COA7: variants seen among roughly 807,000 people sequenced by gnomAD.
The protein encoded by COA7 is cytochrome c oxidase assembly factor 7, also known as Sel1 repeat containing 1.
COA7 carries 12 observed loss-of-function variants against 21.0 expected under a neutral mutation model. That is an observed-to-expected ratio of 0.57 (90% CI 0.37 to 0.92). The LOEUF (loss-of-function observed/expected upper bound fraction) is 0.92. COA7 is among the 40% of genes least tolerant of loss of function. The pLI is 0.01. For missense variants in COA7, 240 were observed against 286.1 expected (o/e 0.84, Z 1.16); for synonymous variants, 95 against 107.4 (o/e 0.88, Z 0.72).
At chr1:52,689,953 A>G (rs1339560724) in intron 2 of COA7, among the ~76,000 whole-genome samples, 1 of 151,604 alleles carries the variant, frequency 6.6e-6, no homozygotes, top group Non-Finnish European at 1.5e-5. Flanking sequence ...CATGAACCCC[A>G]GAAGTGGAGC....
Position 52,692,831 on chromosome 1 carries a change from C to T in COA7, c.143G>A (p.Arg48Gln), listed in dbSNP as rs12134752. The T allele has an allele frequency of 2.7e-3, 4,345 of 1,614,102 alleles. 9 individuals are homozygous for T. Among genetic ancestry groups the T allele is most frequent in the Non-Finnish European group, 3.2e-3 (3,774 of 1,180,014 alleles). The part of the protein sequence containing the change: ...YRLVDYLEGI[R>Q]KNFDEAAKVL... ...CTTGGCAGCCTCATCAAAATTCTTCCGGATCCCTTCCAAATAGTCCACCAG... is the reference window on the plus strand; with the variant it reads ...CTTGGCAGCCTCATCAAAATTCTTCTGGATCCCTTCCAAATAGTCCACCAG... Residue 48 changes from arginine to glutamine, a missense_variant, in exon 2 of 3, where the codon CGG (arginine) becomes CAG (glutamine). Physicochemically the swap from Arg to Gln is conservative, Grantham distance 43. This residue lies in a region of COA7 where 6 missense variants were observed against 17.3 expected (regional missense o/e 0.35). Coordinates refer to ENST00000371538, the MANE Select transcript of COA7 (RefSeq NM_023077.3).
chr1:52,692,667 T>C (rs111249062), intron 2 of COA7, 60 bp downstream of exon 2: 1 of 1,595,246 alleles, frequency 6.3e-7, no homozygotes, highest in South Asian at 1.1e-5. Context: ...ATCATGGGGC[T>C]CAGGTGTGAG....
chr1:52,693,564 C>T (rs567215518), intron 1 of COA7, among the ~76,000 whole-genome samples: 1 of 150,256 alleles, frequency 6.7e-6, no homozygotes, highest in South Asian at 2.1e-4. Flanking sequence ...CGAGATCACG[C>T]CACTGCACTC....
chr1:52,688,052 G>A lies in COA7; in HGVS notation c.364C>T (p.Gln122Ter). The change falls in exon 3 of 3, where the codon CAG becomes TAG. Residue 122 changes from glutamine to a stop codon, truncating the protein, a stop_gained. Transcript: ENST00000371538. LOFTEE classifies it high-confidence loss of function. ...HNVGLLAHDG[Q>*]VNEDGQPDLG... ...TCAGGCTGGCCATCCTCATTAACCT[G>A]TCCATCATGTGCCAGGAGGCCAACG... is the stretch of plus-strand genomic sequence containing the variant. 1 of 1,614,122 alleles carries A rather than the reference G, an allele frequency of 6.2e-7. No homozygotes were observed.
chr1:52,691,844 T>C (rs1436319724), intron 2 of COA7, among the ~76,000 whole-genome samples: 1 of 152,198 alleles, frequency 6.6e-6, no homozygotes, highest in Non-Finnish European at 1.5e-5. Context: ...ATTTAAGTCC[T>C]TCCCCTTAGT....
intron 2 of COA7, among the ~76,000 whole-genome samples, chr1:52,689,651 A>G (rs1644030063): frequency 6.6e-6 from 1 of 151,904 alleles, no homozygotes; most frequent in Admixed American, 6.6e-5. Context: ...GCACTTTGGG[A>G]GGCCGAGGTG....
intron 1 of COA7, among the ~76,000 whole-genome samples, chr1:52,694,087 T>C (rs1644066768): frequency 6.6e-6 from 1 of 152,082 alleles, no homozygotes; most frequent in Admixed American, 6.6e-5. Flanking sequence ...ACAGGGAGTG[T>C]GGAATAATAG....
chr1:52,694,567 C>G (rs993147676), intron 1 of COA7, among the ~76,000 whole-genome samples: 1 of 151,554 alleles, frequency 6.6e-6, no homozygotes, highest in Admixed American at 6.6e-5. Flanking sequence ...TACATAAATG[C>G]TATGACTGAA....
chr1:52,695,316 A>G (rs900043507), intron 1 of COA7, among the ~76,000 whole-genome samples: 7 of 147,986 alleles, frequency 4.7e-5, no homozygotes, highest in Admixed American at 6.7e-5. Flanking sequence ...AAAAAAAAAA[A>G]AAGCCAGGCG....
intron 2 of COA7, among the ~76,000 whole-genome samples, chr1:52,688,645 G>C (rs1239450763): frequency 1.3e-5 from 2 of 152,066 alleles, no homozygotes; most frequent in African/African-American, 4.8e-5. Context: ...CCAGGAATTC[G>C]AGATCAACCT....
At chr1:52,690,681 T>C (rs1644039151) in intron 2 of COA7, among the ~76,000 whole-genome samples, 1 of 151,872 alleles carries the variant, frequency 6.6e-6, no homozygotes, top group Non-Finnish European at 1.5e-5. Context: ...TATTTATTTA[T>C]TTATTTATTT....
rs781456998 is a variant in COA7 at position 52,687,834 on chromosome 1, G to A, written c.582C>T (p.Tyr194=). ...IWACANASRM[Y]KLGDGVDKDE... is the part of the protein sequence containing the mutation. Reference sequence around the variant, plus strand: ...CCTTATCAACACCATCCCCCAGCTTGTACATGCGACTGGCATTGGCACAGG... The same window carrying A: ...CCTTATCAACACCATCCCCCAGCTTATACATGCGACTGGCATTGGCACAGG... The change falls in exon 3 of 3, where the codon TAC becomes TAT. Residue 194 remains tyrosine (Y), a synonymous_variant. Transcript: ENST00000371538. 5 of 1,614,138 alleles carry A rather than the reference G, an allele frequency of 3.1e-6. No homozygotes were observed. The highest frequency in any genetic ancestry group is 1.3e-5 in the African/African-American group (1 of 74,950).
At chr1:52,694,392 G>A (rs894190524) in intron 1 of COA7, among the ~76,000 whole-genome samples, 8 of 151,316 alleles carry the variant, frequency 5.3e-5, no homozygotes, top group South Asian at 2.1e-4. Context: ...CTCGGGAGGC[G>A]GAGACTGCGG....
At chr1:52,690,667 CATTT>C (rs59584460) in intron 2 of COA7, among the ~76,000 whole-genome samples, 3,689 of 149,590 alleles carry the variant, frequency 0.025, 113 homozygotes, top group African/African-American at 0.08. Context: ...CATTTATTTA[CATTT>C]ATTTATTTAT....
intron 1 of COA7, chr1:52,697,933 G>A (rs1014637483): frequency 2.4e-5 from 9 of 377,808 alleles, no homozygotes; most frequent in Non-Finnish European, 3.8e-5. Flanking sequence ...CCGACTCCCC[G>A]CACTAGCTTG....
In COA7 at chr1:52,687,522, A is replaced by G. The variant is rs1310740684; in HGVS notation, c.*198T>C. 6 of 606,656 alleles carry G rather than the reference A, an allele frequency of 9.9e-6. No homozygotes were observed. Among genetic ancestry groups the G allele is most frequent in the Admixed American group, 3.0e-5 (1 of 33,864 alleles). 37.6% of individuals were successfully genotyped at this position (606,656 alleles called of 1,614,324 possible). A position where few individuals can be genotyped will look rare whatever the true frequency, so the allele number is the denominator to read the frequency against. On this transcript the variant is annotated 3_prime_UTR_variant, in exon 3 of 3. Transcript: ENST00000371538. The stretch of plus-strand genomic sequence containing the variant: ...TAAACATTGTACAGAACACCCAGAT[A>G]AAGGAATATTGACTGAAATAAACAT...
intron 2 of COA7, 61 bp downstream of exon 2, chr1:52,692,666 C>A (rs1644056107): frequency 3.1e-6 from 5 of 1,593,888 alleles, no homozygotes; most frequent in Non-Finnish European, 4.3e-6. Context: ...TATCATGGGG[C>A]TCAGGTGTGA....
At chr1:52,688,788 T>A (rs1186232237) in intron 2 of COA7, among the ~76,000 whole-genome samples, 2 of 152,294 alleles carry the variant, frequency 1.3e-5, no homozygotes, top group South Asian at 2.1e-4. Context: ...TTTATTCAGA[T>A]GATACCTTAT....
Position 52,685,886 on chromosome 1 carries a change from A to T in COA7, c.*1834T>A, listed in dbSNP as rs1643998714. ...GCCTAGTTTTGTTTTTGTTTTTGAG[A>T]CAGAGTCTTGCTGTGTTGCCCAGGC... On this transcript the variant is annotated 3_prime_UTR_variant, in exon 3 of 3. Transcript: ENST00000371538. 6.6e-6 allele frequency: 1 copy of T among 151,092 alleles called. No homozygotes were observed. The highest frequency in any genetic ancestry group is 6.6e-5 in the Admixed American group (1 of 15,084). The allele number at this position is 151,092 out of a possible 1,614,324, so 9.4% of individuals were successfully genotyped here.
Sources: gnomAD v4.1 joint callset for allele counts (sites outside exome capture counted in the v4.1 genomes callset) on GRCh38, gnomAD v4.1.1 for gene constraint, gnomAD v4.1.1 regional missense constraint, MANE v1.5 for transcripts, NCBI Gene and HGNC (gene_info 2026-07-23, HGNC 2026-07-21) for gene names.